KHDRBS2: variants seen among roughly 807,000 people sequenced by gnomAD.
KHDRBS2 encodes KH RNA binding domain containing, signal transduction associated 2.
KHDRBS2 carries 26 observed loss-of-function variants against 44.3 expected under a neutral mutation model. The ratio of observed to expected loss-of-function variants is 0.59; its 90% CI spans 0.43 to 0.81. KHDRBS2 has a LOEUF of 0.81. Ranked by LOEUF, KHDRBS2 falls within the 40% of genes least tolerant of loss-of-function variation. The pLI is 0.00. For synonymous variants in KHDRBS2, 194 were observed against 151.1 expected (o/e 1.28, Z -2.08); for missense variants, 476 against 433.1 (o/e 1.10, Z -0.88).
intron 1 of KHDRBS2, among the ~76,000 whole-genome samples, chr6:62,248,196 A>T (rs956440276): frequency 9.2e-5 from 14 of 151,936 alleles, no homozygotes; most frequent in African/African-American, 3.4e-4. Flanking sequence ...ATAATTCCAA[A>T]AATAAAAATA....
chr6:62,115,981 C>T (rs548696458), intron 2 of KHDRBS2, among the ~76,000 whole-genome samples: 15 of 152,056 alleles, frequency 9.9e-5, no homozygotes, highest in Non-Finnish European at 1.9e-4. Flanking sequence ...GATATGAAAA[C>T]AGTATCCCCA....
chr6:62,124,075 G>A (rs760741583), intron 2 of KHDRBS2, among the ~76,000 whole-genome samples: 1 of 152,066 alleles, frequency 6.6e-6, no homozygotes, highest in South Asian at 2.1e-4. Flanking sequence ...AAATTTGATG[G>A]ACCCTTTTCT....
chr6:61,881,398 C>A (rs1014330438), intron 6 of KHDRBS2, among the ~76,000 whole-genome samples: 4 of 150,342 alleles, frequency 2.7e-5, no homozygotes, highest in Admixed American at 2.6e-4. Flanking sequence ...ATTCAAAATG[C>A]ATGATAGTCT....
At chr6:62,232,911 G>A (rs1166987000) in intron 1 of KHDRBS2, among the ~76,000 whole-genome samples, 1 of 152,158 alleles carries the variant, frequency 6.6e-6, no homozygotes, top group East Asian at 1.9e-4. Flanking sequence ...AACAGACCTT[G>A]ATTCTCCTTG....
intron 1 of KHDRBS2, among the ~76,000 whole-genome samples, chr6:62,257,044 T>C (rs1837503610): frequency 2.0e-5 from 3 of 152,034 alleles, no homozygotes; most frequent in African/African-American, 7.2e-5. Flanking sequence ...GCTAAACATA[T>C]TAGGTCAAAT....
At chr6:61,752,298 T>G (rs957256585) in intron 6 of KHDRBS2, among the ~76,000 whole-genome samples, 2 of 152,074 alleles carry the variant, frequency 1.3e-5, no homozygotes, top group Non-Finnish European at 2.9e-5. Context: ...TAAGGATGAC[T>G]TTTTCTATTT....
At chr6:61,756,976 A>AT (rs575678494) in intron 6 of KHDRBS2, among the ~76,000 whole-genome samples, 47 of 152,308 alleles carry the variant, frequency 3.1e-4, no homozygotes, top group African/African-American at 1.1e-3. Context: ...TAGAATGCAC[A>AT]TTTTTTACAG....
chr6:61,946,973 C>T (rs1367818588), intron 4 of KHDRBS2, among the ~76,000 whole-genome samples: 1 of 152,140 alleles, frequency 6.6e-6, no homozygotes, highest in Non-Finnish European at 1.5e-5. Context: ...AGAAAAGGAT[C>T]TTGGGCGGGC....
At chr6:61,615,881 G>A in the KHDRBS2 span, among the ~76,000 whole-genome samples, 1 of 152,154 alleles carries the variant, frequency 6.6e-6, no homozygotes, top group South Asian at 2.1e-4. Flanking sequence ...GGAAAAATTA[G>A]AGATATGGCC....
the KHDRBS2 span, among the ~76,000 whole-genome samples, chr6:61,648,094 C>A: frequency 6.6e-6 from 1 of 151,896 alleles, no homozygotes; most frequent in Non-Finnish European, 1.5e-5. Context: ...TATAAGTTGA[C>A]CTAAAATCCT....
chr6:62,137,149 C>G (rs1204539), intron 2 of KHDRBS2, among the ~76,000 whole-genome samples: 26,089 of 151,576 alleles, frequency 0.17, 2,560 homozygotes, highest in African/African-American at 0.27. Context: ...TACAGGCACC[C>G]GCCACCATGC....
intron 2 of KHDRBS2, among the ~76,000 whole-genome samples, chr6:62,073,603 G>C (rs560769429): frequency 1.1e-4 from 13 of 122,934 alleles, no homozygotes; most frequent in African/African-American, 1.9e-4. Flanking sequence ...TGCTTGCTTT[G>C]GTTCTAGTTT....
chr6:61,738,635 T>C (rs1297181152), intron 6 of KHDRBS2, among the ~76,000 whole-genome samples: 1 of 151,930 alleles, frequency 6.6e-6, no homozygotes, highest in Admixed American at 6.6e-5. Flanking sequence ...ATTTGGGTAT[T>C]GGGCAAAGCA....
chr6:62,185,233 C>T (rs1053814869), intron 1 of KHDRBS2, among the ~76,000 whole-genome samples: 3 of 151,840 alleles, frequency 2.0e-5, no homozygotes, highest in African/African-American at 7.2e-5. Context: ...GTTATAGCCT[C>T]GGTTATTAGG....
chr6:61,636,472 T>A, the KHDRBS2 span, among the ~76,000 whole-genome samples: 2 of 152,098 alleles, frequency 1.3e-5, no homozygotes, highest in East Asian at 3.9e-4. Flanking sequence ...ATTCCTCAAA[T>A]GGAAATTGTT....
At chr6:62,076,146 G>T (rs755323837) in intron 2 of KHDRBS2, among the ~76,000 whole-genome samples, 1 of 151,684 alleles carries the variant, frequency 6.6e-6, no homozygotes, top group Admixed American at 6.6e-5. Context: ...CTAGCATAGC[G>T]CAAACTGATT....
the KHDRBS2 span, among the ~76,000 whole-genome samples, chr6:61,640,366 T>C: frequency 2.4e-4 from 37 of 152,232 alleles, no homozygotes; most frequent in South Asian, 6.2e-4. Flanking sequence ...TCATTCATAT[T>C]GTAGGAAAGT....
At chr6:62,147,039 C>A (rs1814094824) in intron 2 of KHDRBS2, among the ~76,000 whole-genome samples, 1 of 151,830 alleles carries the variant, frequency 6.6e-6, no homozygotes, top group South Asian at 2.1e-4. Context: ...ATTAAAAATG[C>A]TTATAAGATA....
chr6:61,889,170 T>A (rs1247237236), intron 6 of KHDRBS2, among the ~76,000 whole-genome samples: 2 of 152,188 alleles, frequency 1.3e-5, no homozygotes, highest in East Asian at 3.8e-4. Flanking sequence ...TTATGCATGC[T>A]TATAAGTGCT....
Sources: gnomAD v4.1 joint callset for allele counts (sites outside exome capture counted in the v4.1 genomes callset) on GRCh38, gnomAD v4.1.1 for gene constraint, MANE v1.5 for transcripts, NCBI Gene and HGNC (gene_info 2026-07-23, HGNC 2026-07-21) for gene names.